The following ARMH4 variants were observed in gnomAD, a reference collection of about 807,000 sequenced individuals.
ARMH4 encodes armadillo-like helical domain-containing protein 4.
Under a neutral mutation model 61.9 loss-of-function variants are expected in ARMH4, and 49 were observed. The observed-to-expected ratio is 0.79, with a 90% CI of 0.63 to 1.00. ARMH4 has a LOEUF of 1.00. ARMH4 is among the 50% of genes least tolerant of loss of function. The pLI, the probability that ARMH4 is intolerant of heterozygous loss-of-function variation, is 0.00. For synonymous variants in ARMH4, 368 were observed against 341.5 expected (o/e 1.08, Z -0.85); for missense variants, 934 against 930.0 (o/e 1.00, Z -0.06).
At chr14:58,150,085 T>C (rs1355698867) in intron 1 of ARMH4, among the ~76,000 whole-genome samples, 3 of 152,204 alleles carry the variant, frequency 2.0e-5, no homozygotes, top group Non-Finnish European at 4.4e-5. Flanking sequence ...CTCTTCTCCA[T>C]CCATCAGACA....
At chr14:58,043,664 TG>T (rs1883813062) in intron 5 of ARMH4, among the ~76,000 whole-genome samples, 1 of 152,216 alleles carries the variant, frequency 6.6e-6, no homozygotes, top group South Asian at 2.1e-4. Flanking sequence ...GAAGTCCAAT[TG>T]TCCCTGTTTG....
intron 4 of ARMH4, among the ~76,000 whole-genome samples, chr14:58,099,467 C>A (rs944227629): frequency 1.3e-5 from 2 of 152,190 alleles, no homozygotes; most frequent in African/African-American, 4.8e-5. Flanking sequence ...TGAGGGTGTC[C>A]CTCTGGCTTG....
At chr14:58,117,841 C>T (rs1886581510) in intron 4 of ARMH4, among the ~76,000 whole-genome samples, 1 of 151,968 alleles carries the variant, frequency 6.6e-6, no homozygotes, top group Admixed American at 6.6e-5. Context: ...TCACTTCAGC[C>T]TCGAACTCCT....
At chr14:58,124,156 T>A (rs1466030747) in intron 4 of ARMH4, among the ~76,000 whole-genome samples, 2 of 152,112 alleles carry the variant, frequency 1.3e-5, no homozygotes, top group Non-Finnish European at 2.9e-5. Flanking sequence ...ATACACTAAT[T>A]AAGGAAACTC....
chr14:58,148,888 A>G (rs1208994089), intron 1 of ARMH4, among the ~76,000 whole-genome samples: 1 of 151,626 alleles, frequency 6.6e-6, no homozygotes. Context: ...CACGCAACAG[A>G]CCAACAGTTA....
rs754946059 is a variant in ARMH4, at chr14:58,131,767, T to C, written c.1622-46A>G. The C allele has an allele frequency of 9.7e-6, 15 of 1,553,828 alleles. No individual in the cohort carries two copies. In the South Asian group the frequency reaches 1.2e-4, roughly 13 times the overall value. ...GACTTGACCCACAAGATAATCATTA[T>C]GGCAAATGTAAGCATGTGCTTTCAC... On this transcript the variant is annotated intron_variant, in intron 3 of 7. Transcript: ENST00000267485.
intron 4 of ARMH4, among the ~76,000 whole-genome samples, chr14:58,129,731 G>A (rs74457714): frequency 6.6e-6 from 1 of 152,130 alleles, no homozygotes; most frequent in African/African-American, 2.4e-5. Context: ...ACTAACAATG[G>A]TATTATTAAC....
chr14:58,010,231 G>A (rs1402095028), intron 6 of ARMH4, among the ~76,000 whole-genome samples: 2 of 135,244 alleles, frequency 1.5e-5, no homozygotes, highest in South Asian at 2.3e-4. Context: ...CAAACAGAGA[G>A]TGAGGAAGAT....
At chr14:58,004,848 G>A (rs1882103214) in intron 7 of ARMH4, 44 bp from the exon 8 acceptor site, 6 of 1,575,434 alleles carry the variant, frequency 3.8e-6, no homozygotes, top group Admixed American at 1.7e-5. Context: ...TTCTGCCACA[G>A]AGCAAAGCTG....
At chr14:58,032,852 C>A (rs4556716) in intron 5 of ARMH4, among the ~76,000 whole-genome samples, 73,822 of 151,704 alleles carry the variant, frequency 0.49, 18,667 homozygotes, top group East Asian at 0.68. Context: ...ACCGGCTTAA[C>A]AAACGGCGCA....
intron 5 of ARMH4, among the ~76,000 whole-genome samples, chr14:58,087,760 A>G (rs1256056147): frequency 1.3e-5 from 2 of 152,202 alleles, no homozygotes; most frequent in Non-Finnish European, 2.9e-5. Flanking sequence ...GACAACCCAC[A>G]AAATTATCTA....
chr14:58,031,292 G>C (rs1255446557), intron 5 of ARMH4, among the ~76,000 whole-genome samples: 3 of 152,134 alleles, frequency 2.0e-5, no homozygotes, highest in African/African-American at 7.2e-5. Flanking sequence ...ACTTTTATGA[G>C]TTGCCTATAT....
chr14:58,078,850 A>G (rs935223853), intron 5 of ARMH4, among the ~76,000 whole-genome samples: 3 of 152,222 alleles, frequency 2.0e-5, no homozygotes, highest in African/African-American at 7.2e-5. Flanking sequence ...AATGGGACCA[A>G]TGTAGTTCCA....
intron 5 of ARMH4, among the ~76,000 whole-genome samples, chr14:58,022,866 G>A (rs1458316699): frequency 2.0e-5 from 3 of 152,174 alleles, no homozygotes; most frequent in Admixed American, 6.5e-5. Context: ...AGCAAATGCT[G>A]CAATAAGATA....
intron 4 of ARMH4, among the ~76,000 whole-genome samples, chr14:58,124,881 T>C (rs1886845390): frequency 6.6e-6 from 1 of 152,144 alleles, no homozygotes; most frequent in African/African-American, 2.4e-5. Flanking sequence ...CTAATAGCCC[T>C]CACTTGGGCA....
chr14:58,119,610 C>A (rs559716725), intron 4 of ARMH4, among the ~76,000 whole-genome samples: 1 of 152,148 alleles, frequency 6.6e-6, no homozygotes, highest in Non-Finnish European at 1.5e-5. Context: ...GGAGTCTGTG[C>A]CCAGATTAAA....
intron 5 of ARMH4, among the ~76,000 whole-genome samples, chr14:58,046,273 A>G (rs1883939235): frequency 6.6e-6 from 1 of 152,210 alleles, no homozygotes; most frequent in South Asian, 2.1e-4. Flanking sequence ...CCCTGGTAGC[A>G]GTAATCAAGA....
intron 1 of ARMH4, among the ~76,000 whole-genome samples, chr14:58,139,633 A>G (rs1007956421): frequency 6.6e-6 from 1 of 152,216 alleles, no homozygotes; most frequent in Non-Finnish European, 1.5e-5. Flanking sequence ...GTTCCCTAGA[A>G]AAAGGTACAC....
intron 5 of ARMH4, among the ~76,000 whole-genome samples, chr14:58,064,867 T>A (rs900819240): frequency 6.6e-6 from 1 of 152,200 alleles, no homozygotes; most frequent in Non-Finnish European, 1.5e-5. Flanking sequence ...AGCCCCCTGA[T>A]GGTTTCAGAA....
Sources: allele counts gnomAD v4.1 joint callset (sites outside exome capture counted in the v4.1 genomes callset), GRCh38; gene constraint gnomAD v4.1.1; transcripts MANE v1.5; gene names NCBI Gene and HGNC (gene_info 2026-07-23, HGNC 2026-07-21).